The following CNOT6 variants were observed in gnomAD, a reference collection of about 807,000 sequenced individuals.
CNOT6 encodes CCR4-NOT transcription complex subunit 6, also known as carbon catabolite repression 4 protein.
In CNOT6, 12 loss-of-function variants were observed where a neutral mutation model predicts 61.2. The ratio of observed to expected loss-of-function variants is 0.20; its 90% confidence interval spans 0.13 to 0.32. The LOEUF is 0.32. Among genes scored for constraint, CNOT6 ranks in the 10% least tolerant of loss-of-function variants. The pLI is 1.00. For synonymous variants in CNOT6, 225 were observed against 240.6 expected, an observed-to-expected ratio of 0.94 and a Z score of 0.60; for missense variants, 405 against 663.9, an observed-to-expected ratio of 0.61 and a Z score of 4.28.
At chr5:180,522,320 G>T (rs1364492675) in intron 1 of CNOT6, among the ~76,000 whole-genome samples, 1 of 151,794 alleles carries the variant, frequency 6.6e-6, no homozygotes, top group Non-Finnish European at 1.5e-5. Context: ...TTGCCTTGTT[G>T]CCCAGGCTGG....
intron 11 of CNOT6, among the ~76,000 whole-genome samples, chr5:180,572,573 T>G (rs557215943): frequency 1.4e-3 from 215 of 151,912 alleles, no homozygotes; most frequent in Non-Finnish European, 2.5e-3. Context: ...AAAAGAGATA[T>G]GGTCTCACTC....
chr5:180,503,687 C>A lies in CNOT6; in HGVS notation c.-3+8924C>A, dbSNP rs1367109158. ...GGGGCGCCATCTTGGCTTACTGTGA[C>A]CTCTGCATCCCGGGTTCAAGCGATT... On this transcript the variant is annotated intron_variant, in intron 1 of 11. Transcript: ENST00000261951. Among the ~76,000 whole-genome samples, 3 of 143,474 alleles carry A rather than the reference C, an allele frequency of 2.1e-5. No individual in the cohort carries two copies. In the East Asian group the frequency reaches 6.3e-4, roughly 30 times the overall value. 94.1% of individuals were successfully genotyped at this position (143,474 alleles called of 152,430 possible). A position where few individuals can be genotyped will look rare whatever the true frequency, so the allele number is the denominator to read the frequency against.
At chr5:180,529,213 A>AT in intron 1 of CNOT6, 62 bp from the exon 2 acceptor site, 72 of 766,246 alleles carry the variant, frequency 9.4e-5, no homozygotes, top group Middle Eastern at 2.5e-4. Flanking sequence ...AAAAAAAAAA[A>AT]GGTGTTGTGG....
chr5:180,510,665 A>G (rs1581476317), intron 1 of CNOT6, among the ~76,000 whole-genome samples: 1 of 152,336 alleles, frequency 6.6e-6, no homozygotes, highest in East Asian at 1.9e-4. Flanking sequence ...TATTGTCTTT[A>G]TATGACATTT....
chr5:180,566,604 A>G (rs1018813966), intron 7 of CNOT6, among the ~76,000 whole-genome samples: 4 of 147,874 alleles, frequency 2.7e-5, no homozygotes. Context: ...TCGCTGTTCC[A>G]GTTGGTTTCA....
intron 7 of CNOT6, 147 bp downstream of exon 7, chr5:180,566,124 C>T (rs1760439125): frequency 2.7e-6 from 2 of 748,970 alleles, no homozygotes; most frequent in Non-Finnish European, 4.1e-6. Flanking sequence ...GGAGTACTGC[C>T]TGCTTTGCTT....
chr5:180,497,796 C>T (rs1315185237), intron 1 of CNOT6, among the ~76,000 whole-genome samples: 1 of 152,126 alleles, frequency 6.6e-6, no homozygotes, highest in Non-Finnish European at 1.5e-5. Context: ...TTAATCCCAG[C>T]ACTTTGGGAG....
chr5:180,571,102 G>T, intron 10 of CNOT6, 128 bp from the exon 11 acceptor site: 1 of 655,920 alleles, frequency 1.5e-6, no homozygotes, highest in Non-Finnish European at 2.6e-6. Flanking sequence ...GGCAAGTCCT[G>T]GCAAATGTAA....
At chr5:180,505,980 G>C (rs1561631357) in intron 1 of CNOT6, among the ~76,000 whole-genome samples, 1 of 152,162 alleles carries the variant, frequency 6.6e-6, no homozygotes, top group Non-Finnish European at 1.5e-5. Context: ...GAAAGATGAT[G>C]CATCTGAGAC....
chr5:180,506,842 T>C (rs1757150206), intron 1 of CNOT6, among the ~76,000 whole-genome samples: 2 of 152,178 alleles, frequency 1.3e-5, no homozygotes, highest in South Asian at 4.1e-4. Context: ...TCCCTTTAAA[T>C]TCATATAAGC....
intron 2 of CNOT6, among the ~76,000 whole-genome samples, chr5:180,539,547 T>A (rs1758909355): frequency 7.8e-6 from 1 of 127,768 alleles, no homozygotes; most frequent in Admixed American, 8.6e-5. Flanking sequence ...GTACTTTTTC[T>A]GTTCTTTTTT....
intron 11 of CNOT6, among the ~76,000 whole-genome samples, chr5:180,573,297 C>T (rs1348692373): frequency 6.6e-6 from 1 of 152,104 alleles, no homozygotes; most frequent in Non-Finnish European, 1.5e-5. Flanking sequence ...CAGGTAGAGA[C>T]AGTCCTGCCC....
chr5:180,505,150 C>T (rs1210175781), intron 1 of CNOT6, among the ~76,000 whole-genome samples: 8 of 146,666 alleles, frequency 5.5e-5, no homozygotes, highest in Non-Finnish European at 1.0e-4. Context: ...TTAGTAGAGA[C>T]GGGGTTTCAC....
At chr5:180,505,294 C>T (rs11740976) in intron 1 of CNOT6, among the ~76,000 whole-genome samples, 25,717 of 64,842 alleles carry the variant, frequency 0.4, 7,276 homozygotes, top group Middle Eastern at 0.58. Context: ...CTGGCTCTGT[C>T]GCCCAGTCTG....
chr5:180,573,873 A>G (rs1043328240), intron 11 of CNOT6, 115 bp from the exon 12 acceptor site: 30 of 714,650 alleles, frequency 4.2e-5, no homozygotes, highest in Non-Finnish European at 6.8e-5. Context: ...CAAGCTAGTA[A>G]GTTTCACTTG....
chr5:180,541,864 C>T (rs71613469), intron 2 of CNOT6, among the ~76,000 whole-genome samples: 3 of 151,246 alleles, frequency 2.0e-5, no homozygotes, highest in Non-Finnish European at 4.4e-5. Flanking sequence ...TTTTAGCAGA[C>T]GGGGTCTCGC....
At chr5:180,548,722 C>T (rs778180627) in intron 2 of CNOT6, among the ~76,000 whole-genome samples, 4 of 152,132 alleles carry the variant, frequency 2.6e-5, no homozygotes, top group Admixed American at 2.0e-4. Flanking sequence ...TTATCTGATA[C>T]GATGGTTGTC....
At chr5:180,512,319 A>G (rs538113375) in intron 1 of CNOT6, among the ~76,000 whole-genome samples, 3 of 152,368 alleles carry the variant, frequency 2.0e-5, no homozygotes, top group African/African-American at 7.2e-5. Flanking sequence ...TTTCAGTGTG[A>G]AAATGGTATC....
intron 1 of CNOT6, among the ~76,000 whole-genome samples, chr5:180,518,012 CTCTCCT>C (rs1757724240): frequency 2.1e-5 from 1 of 46,840 alleles, no homozygotes; most frequent in African/African-American, 4.9e-5. Context: ...ATCTCCCCCT[CTCTCCT>C]CGTCTTGATT....
Sources: gnomAD v4.1 joint callset for allele counts (sites outside exome capture counted in the v4.1 genomes callset) on GRCh38, gnomAD v4.1.1 for gene constraint, MANE v1.5 for transcripts, NCBI Gene and HGNC (gene_info 2026-07-23, HGNC 2026-07-21) for gene names.